The following GALNT13 variants were observed in gnomAD, a reference collection of about 807,000 sequenced individuals.
GALNT13 encodes the protein UDP-GalNAc:polypeptide N-acetylgalactosaminyltransferase 13.
In GALNT13, 28 loss-of-function variants were observed where a neutral mutation model predicts 64.2. The observed-to-expected ratio is 0.44, with a 90% CI of 0.32 to 0.60. GALNT13 has a LOEUF of 0.60. GALNT13 is among the 20% of genes least tolerant of loss of function. The pLI is 0.05. For missense variants in GALNT13, 577 were observed against 669.8 expected (o/e 0.86, Z 1.53); for synonymous variants, 214 against 224.6 (o/e 0.95, Z 0.42).
chr2:154,116,082 G>A (rs1395607450), intron 3 of GALNT13, among the ~76,000 whole-genome samples: 2 of 152,180 alleles, frequency 1.3e-5, no homozygotes, highest in African/African-American at 4.8e-5. Context: ...GGCCATGACT[G>A]TTGCCTCAGG....
chr2:154,342,046 G>A (rs1695801103), intron 9 of GALNT13, among the ~76,000 whole-genome samples: 1 of 152,008 alleles, frequency 6.6e-6, no homozygotes, highest in African/African-American at 2.4e-5. Flanking sequence ...GACTGGTTTA[G>A]GAAGAAGATT....
the GALNT13 span, among the ~76,000 whole-genome samples, chr2:153,713,836 A>G: frequency 6.6e-6 from 1 of 152,162 alleles, no homozygotes; most frequent in Non-Finnish European, 1.5e-5. Flanking sequence ...TCAATCAAAT[A>G]AAAACTGTCA....
the GALNT13 span, among the ~76,000 whole-genome samples, chr2:153,717,972 T>A: frequency 3.3e-4 from 50 of 152,194 alleles, no homozygotes; most frequent in African/African-American, 1.1e-3. Context: ...TTTTTTTTTT[T>A]ATTCAAAGCC....
At chr2:153,232,752 C>T in the GALNT13 span, among the ~76,000 whole-genome samples, 1 of 152,172 alleles carries the variant, frequency 6.6e-6, no homozygotes, top group Non-Finnish European at 1.5e-5. Context: ...ACCAACAGTA[C>T]ATTGTCTTTC....
intron 9 of GALNT13, among the ~76,000 whole-genome samples, chr2:154,385,004 A>T (rs1444802176): frequency 6.7e-6 from 1 of 149,650 alleles, no homozygotes; most frequent in Non-Finnish European, 1.5e-5. Flanking sequence ...ATATTTGCAC[A>T]TGCTAAAGCA....
At chr2:153,160,077 A>G in the GALNT13 span, among the ~76,000 whole-genome samples, 4 of 152,356 alleles carry the variant, frequency 2.6e-5, no homozygotes, top group Admixed American at 2.6e-4. Flanking sequence ...AAAAAAAGGA[A>G]GCAATCTTGG....
chr2:153,248,604 G>A, the GALNT13 span, among the ~76,000 whole-genome samples: 51 of 151,980 alleles, frequency 3.4e-4, no homozygotes, highest in Middle Eastern at 3.4e-3. Context: ...ACGAGGTCAG[G>A]AGATGGCGAC....
At chr2:154,159,674 T>A (rs1410911252) in intron 4 of GALNT13, among the ~76,000 whole-genome samples, 1 of 152,158 alleles carries the variant, frequency 6.6e-6, no homozygotes, top group Non-Finnish European at 1.5e-5. Context: ...AGTGTTTTTT[T>A]AATCTATTTT....
chr2:153,631,022 G>C, the GALNT13 span, among the ~76,000 whole-genome samples: 16 of 150,896 alleles, frequency 1.1e-4, no homozygotes, highest in South Asian at 2.1e-4. Context: ...CAAGTGTTCT[G>C]ATTGTTCAAT....
chr2:153,429,949 T>G, the GALNT13 span, among the ~76,000 whole-genome samples: 1 of 151,954 alleles, frequency 6.6e-6, no homozygotes. Flanking sequence ...ACCAGGAGAG[T>G]GAGTCACTAA....
chr2:153,898,856 C>CAAA (rs35168611), intron 1 of GALNT13, among the ~76,000 whole-genome samples: 98 of 99,364 alleles, frequency 9.9e-4, no homozygotes, highest in African/African-American at 3.5e-3. Flanking sequence ...AGTTGCACAG[C>CAAA]AAAAAAAAAA....
At chr2:153,412,467 A>G in the GALNT13 span, among the ~76,000 whole-genome samples, 3 of 152,182 alleles carry the variant, frequency 2.0e-5, no homozygotes, top group Non-Finnish European at 4.4e-5. Context: ...GTTTTGTTCC[A>G]AGAAGCAGCA....
chr2:154,067,248 A>G (rs1162518968), intron 3 of GALNT13, among the ~76,000 whole-genome samples: 1 of 152,046 alleles, frequency 6.6e-6, no homozygotes. Context: ...AAACCACTAT[A>G]AAAGAAATGG....
intron 9 of GALNT13, among the ~76,000 whole-genome samples, chr2:154,381,468 T>C (rs1698266895): frequency 6.6e-6 from 1 of 152,104 alleles, no homozygotes. Context: ...TCACATTTGT[T>C]AATTTTTGTG....
the GALNT13 span, among the ~76,000 whole-genome samples, chr2:153,676,301 A>G: frequency 2.0e-4 from 31 of 152,142 alleles, 1 homozygote; most frequent in Admixed American, 2.0e-3. Flanking sequence ...ACAACCTCCC[A>G]AGATTGAACC....
the GALNT13 span, among the ~76,000 whole-genome samples, chr2:153,208,790 G>T: frequency 2.6e-4 from 40 of 152,030 alleles, no homozygotes; most frequent in South Asian, 6.2e-4. Context: ...GGCTCTAGTT[G>T]CCTTTCTTCT....
chr2:153,861,919 C>A, the GALNT13 span, among the ~76,000 whole-genome samples: 1 of 152,084 alleles, frequency 6.6e-6, no homozygotes, highest in African/African-American at 2.4e-5. Flanking sequence ...GACACTAGGT[C>A]TTATATCAAT....
chr2:153,751,496 A>G, the GALNT13 span, among the ~76,000 whole-genome samples: 2 of 151,604 alleles, frequency 1.3e-5, no homozygotes, highest in Admixed American at 6.6e-5. Flanking sequence ...TTTGCTTTAT[A>G]TATCTATGTG....
the GALNT13 span, among the ~76,000 whole-genome samples, chr2:153,737,306 CTT>C: frequency 1.3e-5 from 2 of 151,868 alleles, no homozygotes; most frequent in African/African-American, 4.8e-5. Flanking sequence ...GTTTTTTACT[CTT>C]GTTTTCTCTA....
Sources: allele counts gnomAD v4.1 joint callset (sites outside exome capture counted in the v4.1 genomes callset), GRCh38; gene constraint gnomAD v4.1.1; transcripts MANE v1.5; gene names NCBI Gene and HGNC (gene_info 2026-07-23, HGNC 2026-07-21).